The following ARHGEF6 variants were observed in gnomAD, a reference collection of about 807,000 sequenced individuals.
The protein encoded by ARHGEF6 is Rac/Cdc42 guanine nucleotide exchange factor 6.
A neutral mutation model predicts 70.3 loss-of-function variants in ARHGEF6; 9 were observed. That is an observed-to-expected ratio of 0.13 (90% confidence interval 0.08 to 0.22). The LOEUF (loss-of-function observed/expected upper bound fraction) is 0.22, where lower values mean the gene tolerates loss of function less well. Among genes scored for constraint, ARHGEF6 ranks in the 10% least tolerant of loss-of-function variants. The probability of loss-of-function intolerance (pLI) is 1.00; values close to 1 mark genes in which losing one functional copy is unlikely to be tolerated. For synonymous variants in ARHGEF6, 201 were observed against 207.8 expected, an observed-to-expected ratio of 0.97 and a Z score of 0.28; for missense variants, 470 against 563.0, an observed-to-expected ratio of 0.83 and a Z score of 1.67.
chrX:136,686,592 G>GTATATATATA (rs1426495423), intron 11 of ARHGEF6, among the ~76,000 whole-genome samples: 16 of 59,694 alleles, frequency 2.7e-4, no homozygotes, highest in African/African-American at 8.8e-4. Context: ...GTGTATGTGT[G>GTATATATATA]TGTATATATA....
Position 136,759,078 on chromosome X carries a change from A to G in ARHGEF6, c.250-11486T>C, listed in dbSNP as rs1259396571. On this transcript the variant is annotated intron_variant, in intron 2 of 21. Coordinates refer to ENST00000250617, the MANE Select transcript of ARHGEF6 (RefSeq NM_004840.3). ...ATACACAACACACTCCCAAATACCAATCCTTCTTCAGAGAATGCAAAGTGG... is the reference window on the plus strand; with the variant it reads ...ATACACAACACACTCCCAAATACCAGTCCTTCTTCAGAGAATGCAAAGTGG... Among the ~76,000 whole-genome samples, 11 of 111,908 alleles carry G rather than the reference A, an allele frequency of 9.8e-5. No homozygotes were observed. The Admixed American group carries it at 1.0e-3, about 11-fold the overall frequency.
intron 16 of ARHGEF6, 96 bp from the exon 17 acceptor site, chrX:136,678,052 A>G: frequency 1.3e-6 from 1 of 772,479 alleles, no homozygotes; most frequent in Non-Finnish European, 2.0e-6. Flanking sequence ...ACAACATTTG[A>G]AATGTTAGTG....
intron 6 of ARHGEF6, among the ~76,000 whole-genome samples, chrX:136,726,792 C>T (rs1338147732): frequency 1.8e-5 from 2 of 112,470 alleles, no homozygotes; most frequent in African/African-American, 6.5e-5. Flanking sequence ...GGGGAAATAC[C>T]ACCTTTCACT....
At chrX:136,776,221 A>T (rs1345444350) in intron 2 of ARHGEF6, among the ~76,000 whole-genome samples, 1 of 111,869 alleles carries the variant, frequency 8.9e-6, no homozygotes, top group Non-Finnish European at 1.9e-5. Flanking sequence ...CAAAAAGAAC[A>T]CACATAGCCA....
At chrX:136,771,065 A>ATT (rs766116744) in intron 2 of ARHGEF6, among the ~76,000 whole-genome samples, 15 of 112,372 alleles carry the variant, frequency 1.3e-4, no homozygotes, top group Non-Finnish European at 2.1e-4. Context: ...AAACAATCCT[A>ATT]TTTTTTTATA....
At chrX:136,772,247 G>T (rs1294032589) in intron 2 of ARHGEF6, among the ~76,000 whole-genome samples, 1 of 111,973 alleles carries the variant, frequency 8.9e-6, no homozygotes, top group African/African-American at 3.2e-5. Context: ...TAGAAGACAG[G>T]TTACCAGAGG....
At chrX:136,705,073 G>C (rs186252922) in intron 9 of ARHGEF6, among the ~76,000 whole-genome samples, 1 of 111,066 alleles carries the variant, frequency 9.0e-6, no homozygotes, top group South Asian at 3.8e-4. Flanking sequence ...GTCTTGCTCC[G>C]TCAAGTGAAG....
intron 9 of ARHGEF6, among the ~76,000 whole-genome samples, chrX:136,700,999 A>G (rs1371446469): frequency 8.9e-6 from 1 of 112,333 alleles, no homozygotes; most frequent in Non-Finnish European, 1.9e-5. Flanking sequence ...AATGCCTTTG[A>G]TAGTCTAACA....
rs1054268173 is a variant in ARHGEF6, at chrX:136,707,180, A to G, written c.924-150T>C. On this transcript the variant is annotated intron_variant, in intron 8 of 21. Transcript: ENST00000250617. ...TATATTATAACCATTTTACCCATGA[A>G]ACTCAAATTCTTGCCCACTGCTTTA... The G allele has an allele frequency of 8.7e-6, 6 of 687,400 alleles. No homozygotes were observed. In the African/African-American group the frequency reaches 1.1e-4, roughly 12 times the overall value. 56.6% of individuals were successfully genotyped at this position (687,400 alleles called of 1,213,427 possible).
At chrX:136,720,202 A>G (rs1462175588) in intron 6 of ARHGEF6, among the ~76,000 whole-genome samples, 1 of 112,107 alleles carries the variant, frequency 8.9e-6, no homozygotes, top group Non-Finnish European at 1.9e-5. Flanking sequence ...CTACAAACCA[A>G]TATCTCTAAT....
chrX:136,764,762 AT>A (rs1479865079), intron 2 of ARHGEF6, among the ~76,000 whole-genome samples: 1 of 111,862 alleles, frequency 8.9e-6, no homozygotes, highest in Non-Finnish European at 1.9e-5. Context: ...TATACTTAGG[AT>A]TTGTGCAATT....
At chrX:136,776,947 G>A (rs74521409) in intron 2 of ARHGEF6, among the ~76,000 whole-genome samples, 55 of 111,186 alleles carry the variant, frequency 4.9e-4, no homozygotes, top group Middle Eastern at 4.7e-3. Flanking sequence ...CAAATAGGCC[G>A]GGTGCGGTGG....
intron 6 of ARHGEF6, among the ~76,000 whole-genome samples, chrX:136,727,383 T>C (rs779880627): frequency 1.5e-4 from 10 of 67,457 alleles, no homozygotes; most frequent in Non-Finnish European, 2.2e-4. Context: ...CTTTCTTTCT[T>C]TCTTTCTTTC....
intron 6 of ARHGEF6, among the ~76,000 whole-genome samples, chrX:136,730,036 G>A (rs1399706070): frequency 9.1e-6 from 1 of 109,904 alleles, no homozygotes; most frequent in African/African-American, 3.3e-5. Flanking sequence ...ATTACATGTG[G>A]TGTTTATTTT....
intron 7 of ARHGEF6, among the ~76,000 whole-genome samples, chrX:136,709,649 C>T (rs978075816): frequency 8.9e-6 from 1 of 112,604 alleles, no homozygotes; most frequent in Admixed American, 9.3e-5. Context: ...TGGGAGAAAA[C>T]GTTTCTGAAG....
chrX:136,764,079 A>G (rs1156275801), intron 2 of ARHGEF6, among the ~76,000 whole-genome samples: 1 of 110,999 alleles, frequency 9.0e-6, no homozygotes, highest in African/African-American at 3.3e-5. Context: ...AGTGGCAGAC[A>G]GTTGAGGTCA....
intron 9 of ARHGEF6, among the ~76,000 whole-genome samples, chrX:136,702,487 T>A (rs2076586416): frequency 8.9e-6 from 1 of 112,240 alleles, no homozygotes; most frequent in Non-Finnish European, 1.9e-5. Flanking sequence ...AAATATATTT[T>A]GTCTACAACA....
chrX:136,729,955 A>G (rs1225083973), intron 6 of ARHGEF6, among the ~76,000 whole-genome samples: 1 of 110,906 alleles, frequency 9.0e-6, no homozygotes, highest in Non-Finnish European at 1.9e-5. Context: ...ATATACACTT[A>G]CACCTACCTT....
rs1199546471 is a variant in ARHGEF6, at chrX:136,685,903, T to C, written c.1246-80A>G. On this transcript the variant is annotated intron_variant, in intron 11 of 21. Transcript: ENST00000250617. ...AATAAGACCAAAGTAAGATGTGGCT[T>C]CTGACTCTTTGGTTCCCACTGAGTC... 7 of 1,079,589 alleles carry C rather than the reference T, an allele frequency of 6.5e-6. No homozygotes were observed. The East Asian group carries it at 1.8e-4, about 28-fold the overall frequency. 89.0% of individuals were successfully genotyped at this position (1,079,589 alleles called of 1,213,427 possible).
Sources: gnomAD v4.1 joint callset for allele counts (sites outside exome capture counted in the v4.1 genomes callset) on GRCh38, gnomAD v4.1.1 for gene constraint, MANE v1.5 for transcripts, NCBI Gene and HGNC (gene_info 2026-07-23, HGNC 2026-07-21) for gene names.